The following AK8 variants were observed in gnomAD, a reference collection of about 807,000 sequenced individuals.
AK8 encodes the protein ATP-AMP transphosphorylase 8.
A neutral mutation model predicts 54.6 loss-of-function variants in AK8; 44 were observed. The ratio of observed to expected loss-of-function variants is 0.81; its 90% CI spans 0.63 to 1.04. The LOEUF (loss-of-function observed/expected upper bound fraction) is 1.04, where lower values mean the gene tolerates loss of function less well. Among genes scored for constraint, AK8 ranks in the 50% least tolerant of loss-of-function variants. The pLI is 0.00. For missense variants in AK8, 555 were observed against 613.6 expected (o/e 0.90, Z 1.01); for synonymous variants, 239 against 245.6 (o/e 0.97, Z 0.25).
chr9:132,869,366 G>A (rs1158542714), intron 2 of AK8, among the ~76,000 whole-genome samples: 4 of 152,222 alleles, frequency 2.6e-5, no homozygotes, highest in Admixed American at 2.0e-4. Flanking sequence ...CCATGATGCT[G>A]CTGTCACATG....
At chr9:132,775,080 C>T (rs998588893) in intron 11 of AK8, among the ~76,000 whole-genome samples, 2 of 152,248 alleles carry the variant, frequency 1.3e-5, no homozygotes, top group Admixed American at 1.3e-4. Context: ...CCTTTGTCTC[C>T]AAAGGACATG....
intron 9 of AK8, among the ~76,000 whole-genome samples, chr9:132,818,958 A>C (rs1199198549): frequency 6.6e-6 from 1 of 152,272 alleles, no homozygotes; most frequent in Non-Finnish European, 1.5e-5. Context: ...TCATACAGAC[A>C]CAAATCATAA....
intron 5 of AK8, among the ~76,000 whole-genome samples, chr9:132,843,496 G>C (rs540875973): frequency 6.6e-6 from 1 of 152,134 alleles, no homozygotes; most frequent in East Asian, 1.9e-4. Flanking sequence ...TTTATGCATT[G>C]CAAGAATGGC....
intron 11 of AK8, among the ~76,000 whole-genome samples, chr9:132,789,619 A>AAG (rs1554791550): frequency 6.0e-5 from 9 of 149,800 alleles, no homozygotes; most frequent in African/African-American, 2.2e-4. Context: ...AAAAAAAAAA[A>AAG]AAAGAAAGAA....
intron 10 of AK8, among the ~76,000 whole-genome samples, chr9:132,806,101 C>CGTGTGTGT (rs5900993): frequency 1.5e-3 from 218 of 148,676 alleles, no homozygotes; most frequent in African/African-American, 4.2e-3. Flanking sequence ...TACTGCTTGG[C>CGTGTGTGT]GTGTGTGTGT....
intron 8 of AK8, among the ~76,000 whole-genome samples, chr9:132,825,738 G>C (rs1484104591): frequency 1.3e-5 from 2 of 152,210 alleles, no homozygotes; most frequent in African/African-American, 2.4e-5. Context: ...AAGTCAGCAG[G>C]GAAGGGCTTG....
intron 2 of AK8, among the ~76,000 whole-genome samples, chr9:132,871,544 T>C (rs1348404661): frequency 6.6e-6 from 1 of 152,180 alleles, no homozygotes; most frequent in East Asian, 1.9e-4. Context: ...ACCCAGTGAC[T>C]CGACTCCCTG....
chr9:132,835,026 C>G (rs1030623338), intron 5 of AK8, among the ~76,000 whole-genome samples: 3 of 152,118 alleles, frequency 2.0e-5, no homozygotes, highest in Admixed American at 1.3e-4. Context: ...CATGCCACTA[C>G]GCCCAGCTAA....
At chr9:132,802,633 G>A (rs924085566) in intron 10 of AK8, among the ~76,000 whole-genome samples, 13 of 152,216 alleles carry the variant, frequency 8.5e-5, no homozygotes, top group African/African-American at 2.7e-4. Flanking sequence ...CGGGCATGGC[G>A]ATGAAGAATC....
Position 132,826,796 on chromosome 9 carries a change from C to T in AK8, c.757+58G>A. The T allele has an allele frequency of 6.4e-7, 1 of 1,566,322 alleles. No homozygotes were observed. Among genetic ancestry groups the T allele is most frequent in the South Asian group, 1.1e-5 (1 of 89,692 alleles). On this transcript the variant is annotated intron_variant, in intron 8 of 12. Transcript: ENST00000298545. The surrounding 1 kb of genome is among the most constrained non-coding windows in gnomAD (Gnocchi z 4.5). ...GAATAAGGGACAAAGTGGTAGAAGG[C>T]ACAGCGAGCCCCGCCCTTGGCCGTC...
At chr9:132,864,428 C>G (rs1249839945) in intron 3 of AK8, among the ~76,000 whole-genome samples, 1 of 152,196 alleles carries the variant, frequency 6.6e-6, no homozygotes, top group Non-Finnish European at 1.5e-5. Context: ...ATGGCCACAT[C>G]TGAGCTCTGT....
chr9:132,740,162 C>T (rs1240357379), intron 11 of AK8, among the ~76,000 whole-genome samples: 8 of 152,214 alleles, frequency 5.3e-5, no homozygotes, highest in Non-Finnish European at 1.2e-4. Context: ...AGGCGGAGCA[C>T]GGATTACTGT....
chr9:132,726,316 T>TTTTAC (rs963297304), intron 12 of AK8, among the ~76,000 whole-genome samples: 5 of 141,134 alleles, frequency 3.5e-5, no homozygotes, highest in African/African-American at 1.3e-4. Context: ...TTCTTCTTCC[T>TTTTAC]TTTTCTTTTC....
intron 11 of AK8, among the ~76,000 whole-genome samples, chr9:132,783,023 C>T (rs1482810160): frequency 2.0e-5 from 3 of 152,198 alleles, no homozygotes; most frequent in African/African-American, 7.2e-5. Context: ...TCTTAATTCC[C>T]AGATTCTGTG....
intron 10 of AK8, among the ~76,000 whole-genome samples, chr9:132,798,071 G>C (rs1384442880): frequency 6.6e-6 from 1 of 152,240 alleles, no homozygotes; most frequent in African/African-American, 2.4e-5. Flanking sequence ...CCAGCGCACA[G>C]GGATCCTGGA....
chr9:132,818,798 T>G lies in AK8; in HGVS notation c.890-4071A>C, dbSNP rs74926175. Among the ~76,000 whole-genome samples the G allele has an allele frequency of 6.6e-3, 993 of 151,590 alleles. 5 individuals carry two copies. The highest frequency in any genetic ancestry group is 0.011 in the Non-Finnish European group (725 of 67,932). On this transcript the variant is annotated intron_variant, in intron 9 of 12. Transcript: ENST00000298545. ...AGGAGTTTGAGGGTGCAACGAGCTA[T>G]GATTGCACCACTGTACTCCAGCCAG...
chr9:132,801,485 A>G (rs215180), intron 10 of AK8, among the ~76,000 whole-genome samples: 42,905 of 152,154 alleles, frequency 0.28, 6,207 homozygotes, highest in East Asian at 0.49. Context: ...ATTATTTTAA[A>G]GAGTGATGTA....
chr9:132,867,132 A>G (rs1843632169), intron 2 of AK8, among the ~76,000 whole-genome samples, 179 bp from the exon 3 acceptor site: 1 of 152,124 alleles, frequency 6.6e-6, no homozygotes, highest in Non-Finnish European at 1.5e-5. Context: ...CTCTGTGTTC[A>G]GAGAGGTAAG....
chr9:132,850,678 G>A (rs539957561), intron 5 of AK8, among the ~76,000 whole-genome samples: 3 of 152,228 alleles, frequency 2.0e-5, no homozygotes, highest in South Asian at 2.1e-4. Flanking sequence ...GATTACAGGC[G>A]TGGGCCACCA....
Sources: allele counts gnomAD v4.1 joint callset (sites outside exome capture counted in the v4.1 genomes callset), GRCh38; gene constraint gnomAD v4.1.1; non-coding constraint Gnocchi (gnomAD v3.1); transcripts MANE v1.5; gene names NCBI Gene and HGNC (gene_info 2026-07-23, HGNC 2026-07-21).